THRB: variants seen among roughly 807,000 people sequenced by gnomAD.
THRB encodes the protein nuclear receptor subfamily 1 group A member 2.
A neutral mutation model predicts 47.8 loss-of-function variants in THRB; 12 were observed. The observed-to-expected ratio is 0.25, with a 90% CI of 0.16 to 0.41. The LOEUF is 0.41. THRB is among the 10% of genes least tolerant of loss of function. The probability of loss-of-function intolerance (pLI) is 1.00; values close to 1 mark genes in which losing one functional copy is unlikely to be tolerated. For synonymous variants in THRB, 218 were observed against 212.2 expected, an observed-to-expected ratio of 1.03 and a Z score of -0.24; for missense variants, 348 against 589.2, an observed-to-expected ratio of 0.59 and a Z score of 4.24.
chr3:24,205,198 T>C (rs561781730), intron 4 of THRB, among the ~76,000 whole-genome samples: 3 of 152,206 alleles, frequency 2.0e-5, no homozygotes, highest in African/African-American at 7.2e-5. Context: ...AGACACATAA[T>C]TGTCAGATTC....
chr3:24,400,152 G>A (rs937844571), intron 1 of THRB, among the ~76,000 whole-genome samples: 2 of 152,034 alleles, frequency 1.3e-5, no homozygotes, highest in African/African-American at 2.4e-5. Flanking sequence ...TAGGCAACAC[G>A]TTAGTAAACT....
In THRB at chr3:24,261,497, CAAAAAAAAAAA is replaced by C. The variant is rs35109952; in HGVS notation, c.-42-32507_-42-32497del. On this transcript the variant is annotated intron_variant, in intron 3 of 10. Transcript: ENST00000646209. The stretch of plus-strand genomic sequence containing the variant: ...CTGACAACAGAGCGCGATTCTGTCT[CAAAAAAAAAAA>C]AAAAAAAAAACCAAAAAAAACTCTC... Among the ~76,000 whole-genome samples, 15 of 88,276 alleles carry C rather than the reference CAAAAAAAAAAA, an allele frequency of 1.7e-4. No individual in the cohort carries two copies. The East Asian group carries it at 2.6e-3, about 15-fold the overall frequency. The allele number at this position is 88,276 out of a possible 152,430, so 57.9% of individuals were successfully genotyped here.
At chr3:24,297,412 C>T (rs2056537734) in intron 2 of THRB, 41 bp from the exon 3 acceptor site, 1 of 152,228 alleles carries the variant, frequency 6.6e-6, no homozygotes, top group African/African-American at 2.4e-5. Flanking sequence ...TCATCTATTT[C>T]ATTGTAGCAC....
At chr3:24,319,100 AC>A (rs1199610565) in intron 2 of THRB, among the ~76,000 whole-genome samples, 4 of 152,210 alleles carry the variant, frequency 2.6e-5, no homozygotes, top group Non-Finnish European at 5.9e-5. Flanking sequence ...AAAAAGACTA[AC>A]ATTATCAAGT....
chr3:24,301,020 C>T (rs2056899865), intron 2 of THRB, among the ~76,000 whole-genome samples: 1 of 152,128 alleles, frequency 6.6e-6, no homozygotes, highest in African/African-American at 2.4e-5. Flanking sequence ...TTATAAGAGA[C>T]ACACAGAGGG....
intron 5 of THRB, chr3:24,165,442 T>C: frequency 1.5e-6 from 1 of 678,502 alleles, no homozygotes; most frequent in Non-Finnish European, 2.7e-6. Context: ...GAGCTGGGCA[T>C]ATACGCAGAG....
chr3:24,173,617 T>C (rs2040741440), intron 5 of THRB, among the ~76,000 whole-genome samples: 1 of 152,194 alleles, frequency 6.6e-6, no homozygotes, highest in Non-Finnish European at 1.5e-5. Flanking sequence ...CTATTGATGG[T>C]ATACCAGAAA....
At position 24,181,089 on chromosome 3, in the gene THRB, T is replaced by A. The variant is rs185178409; in HGVS notation, c.283+8985A>T. ...CTCCTATTTTCCTGGGAAAAAGATA[T>A]CCTCAAGGGAAGTAAGGACACTGAA... is the stretch of plus-strand genomic sequence containing the variant. On this transcript the variant is annotated intron_variant, in intron 5 of 10. Transcript: ENST00000646209. 3.3e-3 allele frequency among the ~76,000 whole-genome samples: 498 copies of A among 152,316 alleles called. 8 individuals carry two copies. The highest frequency in any genetic ancestry group is 2.7e-3 in the South Asian group (13 of 4,828).
chr3:24,142,820 A>G (rs2035614403), intron 8 of THRB, among the ~76,000 whole-genome samples: 1 of 152,204 alleles, frequency 6.6e-6, no homozygotes, highest in Non-Finnish European at 1.5e-5. Context: ...ATGTCTGTAA[A>G]ATGGGGATAG....
chr3:24,123,198 C>A, intron 10 of THRB, 73 bp from the exon 11 acceptor site: 1 of 1,605,098 alleles, frequency 6.2e-7, no homozygotes, highest in Non-Finnish European at 8.5e-7. Flanking sequence ...CAATTCCAGG[C>A]CTTTATTGGG....
chr3:24,304,285 A>G (rs1505283), intron 2 of THRB, among the ~76,000 whole-genome samples: 85,962 of 151,946 alleles, frequency 0.57, 24,750 homozygotes, highest in East Asian at 0.75. Context: ...TATAAATCAC[A>G]AGGTTAAAAT....
In THRB at chr3:24,320,248, C is replaced by G. The variant is rs183477185; in HGVS notation, c.-189+17052G>C. Reference sequence around the variant, plus strand: ...CTCAAATACTTGAAGCCTGCTGTGTCTGCTATGCCTGTCCAATCGAAAGGA... The same window carrying G: ...CTCAAATACTTGAAGCCTGCTGTGTGTGCTATGCCTGTCCAATCGAAAGGA... On this transcript the variant is annotated intron_variant, in intron 2 of 10. Transcript: ENST00000646209. Among the ~76,000 whole-genome samples, 107 of 152,332 alleles carry G rather than the reference C, an allele frequency of 7.0e-4. 2 individuals are homozygous for G. The East Asian group carries it at 0.014, about 19-fold the overall frequency.
chr3:24,347,458 C>T (rs1577020236), intron 1 of THRB, among the ~76,000 whole-genome samples: 1 of 151,100 alleles, frequency 6.6e-6, no homozygotes, highest in Non-Finnish European at 1.5e-5. Flanking sequence ...ATCAATCAAG[C>T]CAAAAACTGG....
intron 1 of THRB, among the ~76,000 whole-genome samples, chr3:24,366,636 T>C (rs1317683053): frequency 6.6e-6 from 1 of 150,706 alleles, no homozygotes; most frequent in African/African-American, 2.4e-5. Context: ...TTTTTTTTTT[T>C]TTTGAGAAGG....
At chr3:24,193,105 T>C (rs1293517834) in intron 4 of THRB, among the ~76,000 whole-genome samples, 1 of 152,190 alleles carries the variant, frequency 6.6e-6, no homozygotes, top group African/African-American at 2.4e-5. Context: ...TATACTGTTG[T>C]TGGTGAGAAC....
At chr3:24,273,934 T>C (rs894469526) in intron 3 of THRB, among the ~76,000 whole-genome samples, 3 of 152,234 alleles carry the variant, frequency 2.0e-5, no homozygotes, top group African/African-American at 7.2e-5. Context: ...CCTTTATTTT[T>C]CTTGCTTTGG....
chr3:24,210,156 A>G (rs551091263), intron 4 of THRB, among the ~76,000 whole-genome samples: 17 of 152,308 alleles, frequency 1.1e-4, no homozygotes, highest in African/African-American at 2.9e-4. Flanking sequence ...TACTACACCA[A>G]GGAGAATTGG....
chr3:24,213,270 C>A (rs2046243313), intron 4 of THRB, among the ~76,000 whole-genome samples: 1 of 152,146 alleles, frequency 6.6e-6, no homozygotes, highest in Admixed American at 6.5e-5. Context: ...GTTCAAAAGC[C>A]TTTATTTAGT....
intron 3 of THRB, among the ~76,000 whole-genome samples, chr3:24,247,411 C>A (rs766771098): frequency 1.3e-5 from 2 of 152,144 alleles, no homozygotes; most frequent in Non-Finnish European, 2.9e-5. Flanking sequence ...TACTTGTATT[C>A]TCAACCTATG....
Sources: gnomAD v4.1 joint callset for allele counts (sites outside exome capture counted in the v4.1 genomes callset) on GRCh38, gnomAD v4.1.1 for gene constraint, MANE v1.5 for transcripts, NCBI Gene and HGNC (gene_info 2026-07-23, HGNC 2026-07-21) for gene names.